Variants in PHKB observed in about 807,000 individuals in gnomAD.
The protein encoded by PHKB is phosphorylase b kinase regulatory subunit beta.
A neutral mutation model predicts 152.1 loss-of-function variants in PHKB; 122 were observed. That is an observed-to-expected ratio of 0.80 (90% CI 0.69 to 0.93). The LOEUF is 0.93. Ranked by LOEUF, PHKB falls within the 40% of genes least tolerant of loss-of-function variation. PHKB has a pLI of 0.00. For missense variants in PHKB, 1,304 were observed against 1,328.4 expected, an observed-to-expected ratio of 0.98 and a Z score of 0.29; for synonymous variants, 436 against 464.9, an observed-to-expected ratio of 0.94 and a Z score of 0.80.
chr16:47,631,124 TC>T, intron 14 of PHKB, among the ~76,000 whole-genome samples: 1 of 152,236 alleles, frequency 6.6e-6, no homozygotes, highest in South Asian at 2.1e-4. Context: ...ATGATAAATC[TC>T]TTTCTTCTTC....
chr16:47,585,208 T>A (rs944129691), intron 8 of PHKB, among the ~76,000 whole-genome samples: 1 of 152,198 alleles, frequency 6.6e-6, no homozygotes, highest in African/African-American at 2.4e-5. Context: ...AGAATTATAA[T>A]GTTTTCAGGA....
chr16:47,645,106 G>A (rs946909514), intron 16 of PHKB, among the ~76,000 whole-genome samples: 2 of 152,114 alleles, frequency 1.3e-5, no homozygotes, highest in Non-Finnish European at 2.9e-5. Flanking sequence ...GTAGATTCTG[G>A]ATATTAACCC....
chr16:47,557,006 A>G (rs547477662), intron 7 of PHKB, among the ~76,000 whole-genome samples: 28 of 152,176 alleles, frequency 1.8e-4, no homozygotes, highest in Non-Finnish European at 3.2e-4. Context: ...GGGAGGGTGT[A>G]TGTGTCAAGG....
At chr16:47,628,948 G>A (rs1468607053) in intron 14 of PHKB, among the ~76,000 whole-genome samples, 1 of 152,118 alleles carries the variant, frequency 6.6e-6, no homozygotes, top group East Asian at 1.9e-4. Context: ...AATAAATGGT[G>A]CTGGGAAAAC....
rs1219056913 is a variant in PHKB, at chr16:47,689,064, A to G, written c.2654A>G (p.Tyr885Cys). ...AGGTGGATCATCCATGCCATGGAGTATGAACTTCAGATCCGTGGCGGAGAC... is the reference window on the plus strand; with the variant it reads ...AGGTGGATCATCCATGCCATGGAGTGTGAACTTCAGATCCGTGGCGGAGAC... ...RIGWIIHAME[Y>C]ELQIRGGDKP... The change falls in exon 27 of 31, where the codon TAT (tyrosine) becomes TGT (cysteine). Residue 885 changes from tyrosine to cysteine, a missense_variant. Physicochemically the swap from Tyr to Cys is radical, Grantham distance 194. Transcript: ENST00000323584. 2 of 1,614,066 alleles carry G rather than the reference A, an allele frequency of 1.2e-6. No individual in the cohort carries two copies. Among genetic ancestry groups the G allele is most frequent in the African/African-American group, 1.3e-5 (1 of 75,030 alleles).
At chr16:47,663,818 ATAGT>A in intron 24 of PHKB, 84 bp downstream of exon 24, 4 of 835,826 alleles carry the variant, frequency 4.8e-6, no homozygotes, top group Non-Finnish European at 8.3e-6. Context: ...AATATTAAAG[ATAGT>A]TATTCATCCT....
chr16:47,500,024 C>A, intron 3 of PHKB, 130 bp downstream of exon 3: 2 of 981,594 alleles, frequency 2.0e-6, no homozygotes, highest in Non-Finnish European at 3.2e-6. Context: ...TGCTCACATC[C>A]CTTTTTAGGC....
intron 6 of PHKB, among the ~76,000 whole-genome samples, chr16:47,516,287 T>G (rs1970596029): frequency 6.6e-6 from 1 of 152,214 alleles, no homozygotes; most frequent in Non-Finnish European, 1.5e-5. Context: ...AAAGAGAAAC[T>G]TTTATCCTGT....
At chr16:47,597,754 A>G (rs1972148520) in intron 13 of PHKB, 1 of 142,504 alleles carries the variant, frequency 7.0e-6, no homozygotes, top group Non-Finnish European at 1.5e-5. Flanking sequence ...ATATAAGCCT[A>G]TCCGTATGCC....
intron 8 of PHKB, among the ~76,000 whole-genome samples, chr16:47,584,433 G>C (rs1971902059): frequency 6.6e-6 from 1 of 152,122 alleles, no homozygotes; most frequent in Non-Finnish European, 1.5e-5. Flanking sequence ...GCTCTTTTGA[G>C]ACCCTGAAAA....
intron 20 of PHKB, among the ~76,000 whole-genome samples, chr16:47,654,556 T>A (rs2151733748): frequency 6.6e-6 from 1 of 152,166 alleles, no homozygotes; most frequent in East Asian, 1.9e-4. Flanking sequence ...CCAACCCAAA[T>A]GTCCAACAAT....
chr16:47,465,482 A>C (rs1315298448), intron 1 of PHKB, among the ~76,000 whole-genome samples: 1 of 152,232 alleles, frequency 6.6e-6, no homozygotes, highest in African/African-American at 2.4e-5. Flanking sequence ...CATCAAATTG[A>C]AATAGAATGC....
intron 12 of PHKB, 86 bp downstream of exon 12, chr16:47,594,300 C>A: frequency 2.7e-6 from 2 of 733,558 alleles, no homozygotes; most frequent in Non-Finnish European, 4.9e-6. Flanking sequence ...TTGTAAAAAA[C>A]AATAATTTGT....
At chr16:47,508,908 T>A (rs146291278) in intron 4 of PHKB, among the ~76,000 whole-genome samples, 276 of 152,322 alleles carry the variant, frequency 1.8e-3, no homozygotes, top group Non-Finnish European at 3.1e-3. Flanking sequence ...TTTTAATGGC[T>A]TTAAAACTCA....
Position 47,484,148 on chromosome 16 carries a change from A to G in PHKB, c.77-13251A>G, listed in dbSNP as rs140477742. ...TGCTATTCATAAGGTCAACACATGAAACATCAACCAGGTTTAATATCCTGA... is the reference window on the plus strand; with the variant it reads ...TGCTATTCATAAGGTCAACACATGAGACATCAACCAGGTTTAATATCCTGA... On this transcript the variant is annotated intron_variant, in intron 1 of 30. Transcript: ENST00000323584. Among the ~76,000 whole-genome samples, 870 of 152,318 alleles carry G rather than the reference A, an allele frequency of 5.7e-3. 7 individuals are homozygous for G. Among genetic ancestry groups the G allele is most frequent in the African/African-American group, 0.02 (828 of 41,564 alleles).
At chr16:47,511,834 AC>A in intron 5 of PHKB, 62 bp downstream of exon 5, 2 of 1,112,944 alleles carry the variant, frequency 1.8e-6, no homozygotes, top group Non-Finnish European at 2.7e-6. Context: ...GTGATCCCCA[AC>A]CTTTTTGGCA....
In PHKB at chr16:47,503,084, C is replaced by T. The variant is rs140626718; in HGVS notation, c.399C>T (p.Ala133=). The change falls in exon 4 of 31, where the codon GCC becomes GCT. Residue 133 remains alanine, a synonymous_variant. Coordinates refer to ENST00000323584, the MANE Select transcript of PHKB (RefSeq NM_000293.3). The stretch of plus-strand genomic sequence containing the variant: ...TTCTCTACTGCTATATGCGTCAGGC[C>T]GATAAGGTAAAACATTGTGGTGTGG... ...RGILYCYMRQ[A]DKVQQFKQDP... 5.7e-5 allele frequency: 90 copies of T among 1,592,354 alleles called. 1 individual carries two copies. Among genetic ancestry groups the T allele is most frequent in the South Asian group, 4.6e-4 (42 of 90,664 alleles).
At chr16:47,557,482 C>A (rs1455683944) in intron 7 of PHKB, among the ~76,000 whole-genome samples, 1 of 152,172 alleles carries the variant, frequency 6.6e-6, no homozygotes, top group African/African-American at 2.4e-5. Context: ...GCAACCTACT[C>A]ATCTGACAAA....
intron 20 of PHKB, among the ~76,000 whole-genome samples, chr16:47,651,900 A>G (rs1973243368): frequency 6.6e-6 from 1 of 151,732 alleles, no homozygotes; most frequent in African/African-American, 2.4e-5. Flanking sequence ...TTTGATTTTT[A>G]TCTTGCAGTT....
Sources: gnomAD v4.1 joint callset for allele counts (sites outside exome capture counted in the v4.1 genomes callset) on GRCh38, gnomAD v4.1.1 for gene constraint, MANE v1.5 for transcripts, NCBI Gene and HGNC (gene_info 2026-07-23, HGNC 2026-07-21) for gene names.